The following LPP variants were observed in gnomAD, a reference collection of about 807,000 sequenced individuals.
LPP encodes LIM domain containing preferred translocation partner in lipoma.
LPP carries 38 observed loss-of-function variants against 60.4 expected under a neutral mutation model. The observed-to-expected ratio is 0.63, with a 90% CI of 0.49 to 0.83. The LOEUF is 0.83. LPP is among the 40% of genes least tolerant of loss of function. The pLI, the probability that LPP is intolerant of heterozygous loss-of-function variation, is 0.00. For missense variants in LPP, 902 were observed against 783.6 expected (o/e 1.15, Z -1.80); for synonymous variants, 328 against 290.8 (o/e 1.13, Z -1.30).
chr3:188,761,755 C>T (rs13083450), intron 9 of LPP, among the ~76,000 whole-genome samples: 41,365 of 151,928 alleles, frequency 0.27, 6,956 homozygotes, highest in East Asian at 0.7. Context: ...TATGCATAAG[C>T]GAAAGTCTAG....
chr3:188,529,605 T>G (rs1489030201), intron 6 of LPP, among the ~76,000 whole-genome samples: 1 of 152,234 alleles, frequency 6.6e-6, no homozygotes. Flanking sequence ...CCTTTTATTC[T>G]AGGGAGTATT....
chr3:188,382,473 T>G (rs778055436), intron 3 of LPP, among the ~76,000 whole-genome samples: 1 of 152,216 alleles, frequency 6.6e-6, no homozygotes, highest in African/African-American at 2.4e-5. Context: ...TGGTGGTCAC[T>G]TTTTAACTGT....
intron 2 of LPP, among the ~76,000 whole-genome samples, chr3:188,271,636 A>G (rs1405330261): frequency 6.6e-6 from 1 of 152,178 alleles, no homozygotes; most frequent in Non-Finnish European, 1.5e-5. Context: ...ATTGGTCTTT[A>G]TGGGTTCTGT....
chr3:188,739,558 A>G (rs1307122127), intron 8 of LPP, among the ~76,000 whole-genome samples: 1 of 152,082 alleles, frequency 6.6e-6, no homozygotes, highest in Non-Finnish European at 1.5e-5. Flanking sequence ...ATTTCAAGTG[A>G]TGGGTCAGTG....
chr3:188,395,864 T>C (rs1017299963), intron 3 of LPP, among the ~76,000 whole-genome samples: 1 of 152,020 alleles, frequency 6.6e-6, no homozygotes, highest in Non-Finnish European at 1.5e-5. Flanking sequence ...CAGTGAGCCA[T>C]GATGGTACCA....
intron 1 of LPP, among the ~76,000 whole-genome samples, chr3:188,184,511 G>C (rs933026655): frequency 6.6e-6 from 1 of 152,138 alleles, no homozygotes; most frequent in Non-Finnish European, 1.5e-5. Flanking sequence ...GATTTGAACT[G>C]GGCTTTGAAG....
At chr3:188,374,150 T>C (rs897085659) in intron 3 of LPP, among the ~76,000 whole-genome samples, 21 of 152,190 alleles carry the variant, frequency 1.4e-4, no homozygotes, top group Admixed American at 6.5e-4. Context: ...GTGATGCCTC[T>C]GGCTTTGTTC....
Position 188,211,412 on chromosome 3 carries a change from A to G in LPP, c.-189-13993A>G, listed in dbSNP as rs534117664. Among the ~76,000 whole-genome samples the G allele has an allele frequency of 2.0e-5, 3 of 152,312 alleles. No individual in the cohort carries two copies. The East Asian group carries it at 5.8e-4, about 29-fold the overall frequency. ...CCTCCAGAAAGCCTTTACAACCAAC[A>G]GTAGAACGAGATCACTAAGAAACAG... On this transcript the variant is annotated intron_variant, in intron 1 of 11. Coordinates refer to ENST00000617246, the MANE Select transcript of LPP (RefSeq NM_001375462.1).
chr3:188,706,133 A>G (rs1180978585), intron 7 of LPP, among the ~76,000 whole-genome samples: 1 of 152,206 alleles, frequency 6.6e-6, no homozygotes, highest in Non-Finnish European at 1.5e-5. Context: ...ATGACAGGTA[A>G]TGTTTACAGT....
intron 9 of LPP, among the ~76,000 whole-genome samples, chr3:188,766,911 T>TAC (rs1364734385): frequency 1.3e-5 from 2 of 151,918 alleles, no homozygotes; most frequent in Admixed American, 6.6e-5. Flanking sequence ...TGTGGTTACA[T>TAC]ACACACACAC....
intron 3 of LPP, among the ~76,000 whole-genome samples, chr3:188,369,200 G>A (rs1157965417): frequency 2.0e-5 from 3 of 152,104 alleles, no homozygotes; most frequent in Admixed American, 1.3e-4. Flanking sequence ...TTTCTGCTAG[G>A]TTTAACCTAG....
intron 5 of LPP, among the ~76,000 whole-genome samples, chr3:188,513,032 C>T (rs925479295): frequency 6.6e-6 from 1 of 152,170 alleles, no homozygotes; most frequent in Non-Finnish European, 1.5e-5. Context: ...TAAAAGTAAA[C>T]CTTTTCTCCC....
chr3:188,388,417 G>A (rs1778878918), intron 3 of LPP, among the ~76,000 whole-genome samples: 1 of 152,174 alleles, frequency 6.6e-6, no homozygotes, highest in Non-Finnish European at 1.5e-5. Flanking sequence ...CAAAATAAGT[G>A]TAATGAGCAA....
chr3:188,663,608 G>A lies in LPP; in HGVS notation c.1114-44659G>A, dbSNP rs201879630. ...TATGCATATTTTCAGAACATATGCT[G>A]TGTTACCATCTTCTGACCCAAAGAG... On this transcript the variant is annotated intron_variant, in intron 7 of 11. Coordinates refer to ENST00000617246, the MANE Select transcript of LPP (RefSeq NM_001375462.1). Among the ~76,000 whole-genome samples the A allele has an allele frequency of 3.9e-5, 6 of 152,232 alleles. No homozygotes were observed. In the East Asian group the frequency reaches 9.6e-4, roughly 24 times the overall value.
chr3:188,835,227 G>T (rs911848609), intron 9 of LPP, among the ~76,000 whole-genome samples: 5 of 151,692 alleles, frequency 3.3e-5, no homozygotes, highest in East Asian at 1.9e-4. Flanking sequence ...GGAGGCCGAG[G>T]GGGGCAGATC....
At chr3:188,488,092 G>A (rs1807144400) in intron 5 of LPP, among the ~76,000 whole-genome samples, 1 of 151,204 alleles carries the variant, frequency 6.6e-6, no homozygotes, top group South Asian at 2.1e-4. Context: ...TCTGACAGAG[G>A]TCTTATTGAA....
intron 7 of LPP, among the ~76,000 whole-genome samples, chr3:188,663,455 CA>C (rs1855050191): frequency 1.3e-5 from 2 of 152,294 alleles, no homozygotes; most frequent in Non-Finnish European, 1.5e-5. Context: ...AAAACTCTTT[CA>C]AACAAGTTTT....
rs1560620593 is a variant in LPP, at chr3:188,602,177, T to TA, written c.430-6983dup. 2.5e-4 allele frequency among the ~76,000 whole-genome samples: 29 copies of TA among 115,282 alleles called. 1 individual carries two copies. Among genetic ancestry groups the TA allele is most frequent in the Admixed American group, 5.2e-4 (6 of 11,610 alleles). 75.6% of individuals were successfully genotyped at this position (115,282 alleles called of 152,430 possible). On this transcript the variant is annotated intron_variant, in intron 6 of 11. Transcript: ENST00000617246. ...TAATATATATATAATATATATATAT[T>TA]ATATATATATATGACATTCTTAATC...
chr3:188,723,527 T>C (rs1717255200), intron 8 of LPP, among the ~76,000 whole-genome samples: 1 of 152,148 alleles, frequency 6.6e-6, no homozygotes, highest in Admixed American at 6.5e-5. Flanking sequence ...AGTGTCATTT[T>C]GTCAGATGGT....
Sources: gnomAD v4.1 joint callset for allele counts (sites outside exome capture counted in the v4.1 genomes callset) on GRCh38, gnomAD v4.1.1 for gene constraint, MANE v1.5 for transcripts, NCBI Gene and HGNC (gene_info 2026-07-23, HGNC 2026-07-21) for gene names.